The following IAH1 variants were observed in gnomAD, a reference collection of about 807,000 sequenced individuals.
IAH1 encodes the protein isoamyl acetate hydrolyzing esterase 1 (putative).
Under a neutral mutation model 26.7 loss-of-function variants are expected in IAH1, and 24 were observed. The observed-to-expected ratio is 0.90, with a 90% CI of 0.65 to 1.26. The LOEUF (loss-of-function observed/expected upper bound fraction) is 1.26. Among genes scored for constraint, IAH1 ranks in the 50% most tolerant of loss-of-function variants. IAH1 has a pLI of 0.00. For synonymous variants in IAH1, 140 were observed against 118.5 expected, an observed-to-expected ratio of 1.18 and a Z score of -1.18; for missense variants, 300 against 299.9, an observed-to-expected ratio of 1.00 and a Z score of 0.00.
chr2:9,499,004 G>T (rs1419204087), downstream of IAH1, among the ~76,000 whole-genome samples: 1 of 152,040 alleles, frequency 6.6e-6, no homozygotes, highest in African/African-American at 2.4e-5. Context: ...CACATTTTTT[G>T]ATGCAGTAGA....
intron 3 of IAH1, among the ~76,000 whole-genome samples, chr2:9,479,071 TGAAG>T (rs1380078043): frequency 6.6e-6 from 1 of 152,064 alleles, no homozygotes; most frequent in Non-Finnish European, 1.5e-5. Flanking sequence ...AGGCTGGACA[TGAAG>T]GAACACCAAC....
the IAH1 span, among the ~76,000 whole-genome samples, chr2:9,506,359 GTTTTTTTTTTT>G: frequency 4.1e-5 from 3 of 73,244 alleles, no homozygotes; most frequent in South Asian, 4.8e-4. Context: ...CTTCAAATCT[GTTTTTTTTTTT>G]TTTTTTTTTT....
chr2:9,486,837 A>AG (rs1661520605), intron 5 of IAH1: 1 of 152,110 alleles, frequency 6.6e-6, no homozygotes. Context: ...CTCAAAAAAA[A>AG]AAAAAAAAGT....
chr2:9,482,519 G>A (rs1488098689), intron 4 of IAH1, among the ~76,000 whole-genome samples: 1 of 152,124 alleles, frequency 6.6e-6, no homozygotes, highest in East Asian at 1.9e-4. Flanking sequence ...CAACTTCATG[G>A]AAGGCTGTTA....
At position 9,488,464 on chromosome 2, in the gene IAH1, G is replaced by A. The variant is rs547175406; in HGVS notation, c.*135G>A. ...ATAAAAGTATTAGATGATTTTTCAG[G>A]GAAGTTTTATACTTAGGTCCATTGT... On this transcript the variant is annotated 3_prime_UTR_variant, in exon 6 of 6. Transcript: ENST00000497473. 52 of 645,928 alleles carry A rather than the reference G, an allele frequency of 8.1e-5. No individual in the cohort carries two copies. The African/African-American group carries it at 8.5e-4, about 11-fold the overall frequency. 40.0% of individuals were successfully genotyped at this position (645,928 alleles called of 1,614,324 possible).
downstream of IAH1, chr2:9,494,610 C>A (rs1421854389): frequency 4.4e-6 from 7 of 1,608,200 alleles, no homozygotes; most frequent in African/African-American, 9.4e-5. Context: ...CTGGCTGTTA[C>A]AGAAAAAGCT....
chr2:9,498,686 G>A (rs1278971324), downstream of IAH1, among the ~76,000 whole-genome samples: 1 of 152,186 alleles, frequency 6.6e-6, no homozygotes, highest in African/African-American at 2.4e-5. Flanking sequence ...TGAGCACTGG[G>A]CATTCATCAT....
the IAH1 span, chr2:9,509,852 A>C: frequency 2.5e-6 from 3 of 1,213,954 alleles, no homozygotes; most frequent in Non-Finnish European, 3.5e-6. Flanking sequence ...GTTTCAAGGT[A>C]CTTTGTAATT....
exon 6 of IAH1, chr2:9,494,830 C>T (rs1450726637): frequency 1.9e-6 from 3 of 1,589,204 alleles, no homozygotes; most frequent in East Asian, 2.2e-5. Context: ...CTCCTGCCTC[C>T]TCTTTCCTCC....
downstream of IAH1, among the ~76,000 whole-genome samples, chr2:9,490,789 G>T (rs934268473): frequency 2.6e-5 from 4 of 152,102 alleles, no homozygotes; most frequent in Non-Finnish European, 4.4e-5. Context: ...ACCCAAAAGA[G>T]GATTCAAACC....
At chr2:9,481,677 G>A (rs534421273) in intron 4 of IAH1, among the ~76,000 whole-genome samples, 4 of 152,130 alleles carry the variant, frequency 2.6e-5, no homozygotes, top group Admixed American at 6.6e-5. Flanking sequence ...GGAGGGAACC[G>A]CGGGCCTGGC....
At chr2:9,478,401 A>G in intron 3 of IAH1, 31 bp downstream of exon 3, 1 of 1,543,570 alleles carries the variant, frequency 6.5e-7, no homozygotes, top group Non-Finnish European at 8.8e-7. Context: ...CTTCTAGCTC[A>G]CTTTTAATCA....
Position 9,488,663 on chromosome 2 carries a change from C to CACCCCACT in IAH1, c.*335_*342dup, listed in dbSNP as rs1431793164. On this transcript the variant is annotated 3_prime_UTR_variant, in exon 6 of 6. Coordinates refer to ENST00000497473, the MANE Select transcript of IAH1 (RefSeq NM_001039613.3). ...TGTTTCACTCATACATACACCCACA[C>CACCCCACT]ACCCCACTCAACCTTGTATCAAATT... 1 of 175,950 alleles carries CACCCCACT rather than the reference C, an allele frequency of 5.7e-6. No homozygotes were observed. The highest frequency in any genetic ancestry group is 2.4e-5 in the African/African-American group (1 of 42,400). The allele number at this position is 175,950 out of a possible 1,614,324, so 10.9% of individuals were successfully genotyped here.
chr2:9,490,467 G>A (rs1417404032), downstream of IAH1: 2 of 1,613,952 alleles, frequency 1.2e-6, no homozygotes, highest in East Asian at 4.5e-5. Flanking sequence ...GCAGGAAAGG[G>A]TTTGATAATG....
intron 1 of IAH1, 145 bp from the exon 2 acceptor site, chr2:9,475,842 G>C (rs1682458868): frequency 4.4e-6 from 3 of 675,756 alleles, no homozygotes; most frequent in Non-Finnish European, 8.0e-6. Context: ...GTACTTACCT[G>C]TAATCCCCAA....
rs558943432 is a variant in IAH1 at position 9,479,224 on chromosome 2, T to G, written c.283+854T>G. Among the ~76,000 whole-genome samples the G allele has an allele frequency of 1.8e-4, 27 of 152,110 alleles. No homozygotes were observed. In the South Asian group the frequency reaches 3.1e-3, roughly 18 times the overall value. On this transcript the variant is annotated intron_variant, in intron 3 of 5. Coordinates refer to ENST00000497473, the MANE Select transcript of IAH1 (RefSeq NM_001039613.3). ...CTTGTACCAAAAACCATAAGAAAAC[T>G]CAAAACAGAATTTTTTAAAAAGATA... is the stretch of plus-strand genomic sequence containing the variant.
chr2:9,475,042 G>A, intron 1 of IAH1: 1 of 1,142,030 alleles, frequency 8.8e-7, no homozygotes, highest in Admixed American at 3.7e-5. Flanking sequence ...AGGCCCCGCG[G>A]CCAGCTCCGG....
At chr2:9,484,259 G>A (rs1198069825) in intron 4 of IAH1, among the ~76,000 whole-genome samples, 173 bp from the exon 5 acceptor site, 1 of 152,216 alleles carries the variant, frequency 6.6e-6, no homozygotes, top group Admixed American at 6.5e-5. Context: ...GGGTAGAGCA[G>A]CACACCAGTA....
chr2:9,501,080 G>A (rs1183797730), downstream of IAH1, among the ~76,000 whole-genome samples: 1 of 152,122 alleles, frequency 6.6e-6, no homozygotes, highest in East Asian at 1.9e-4. Flanking sequence ...CCAAATGGAT[G>A]ATTACATAAG....
Sources: gnomAD v4.1 joint callset for allele counts (sites outside exome capture counted in the v4.1 genomes callset) on GRCh38, gnomAD v4.1.1 for gene constraint, MANE v1.5 for transcripts, NCBI Gene and HGNC (gene_info 2026-07-23, HGNC 2026-07-21) for gene names.